CLYBL: variants seen among roughly 807,000 people sequenced by gnomAD.
CLYBL encodes citramalyl-CoA lyase.
Under a neutral mutation model 38.9 loss-of-function variants are expected in CLYBL, and 31 were observed. That is an observed-to-expected ratio of 0.80 (90% CI 0.60 to 1.08). The LOEUF is 1.08. CLYBL is among the 50% of genes least tolerant of loss of function. The pLI is 0.00. For missense variants in CLYBL, 434 were observed against 411.6 expected, an observed-to-expected ratio of 1.05 and a Z score of -0.47; for synonymous variants, 171 against 158.6, an observed-to-expected ratio of 1.08 and a Z score of -0.59.
chr13:99,860,456 G>A (rs1028255939), intron 3 of CLYBL, among the ~76,000 whole-genome samples: 2 of 152,054 alleles, frequency 1.3e-5, no homozygotes, highest in Non-Finnish European at 2.9e-5. Flanking sequence ...TTCTCTCCAG[G>A]GTTACCCTCA....
intron 1 of CLYBL, among the ~76,000 whole-genome samples, chr13:99,739,162 ATGGTTTTATTTGGAAATTTTTTT>A (rs2048711220): frequency 6.6e-6 from 1 of 152,166 alleles, no homozygotes; most frequent in Admixed American, 6.5e-5. Context: ...TGTTTTATAA[ATGGTTTTATTTGGAAATTTTTTT>A]CTCCTAATTT....
intron 1 of CLYBL, among the ~76,000 whole-genome samples, chr13:99,614,523 G>T (rs533347276): frequency 6.6e-6 from 1 of 152,226 alleles, no homozygotes; most frequent in South Asian, 2.1e-4. Context: ...AGAACTGGCT[G>T]TGGTGGCTGG....
At chr13:99,706,690 C>G (rs2048151963) in intron 1 of CLYBL, among the ~76,000 whole-genome samples, 1 of 152,222 alleles carries the variant, frequency 6.6e-6, no homozygotes, top group African/African-American at 2.4e-5. Context: ...AACTTGATTA[C>G]CTATTTTCCC....
At chr13:99,647,559 CAG>C (rs1312713503) in intron 1 of CLYBL, among the ~76,000 whole-genome samples, 2 of 151,826 alleles carry the variant, frequency 1.3e-5, no homozygotes, top group African/African-American at 4.8e-5. Flanking sequence ...ATTAAACAAA[CAG>C]ATTCAGAGAA....
Position 99,623,676 on chromosome 13 carries a change from G to C in CLYBL, c.62+16919G>C, listed in dbSNP as rs183955989. On this transcript the variant is annotated intron_variant, in intron 1 of 8. Transcript: ENST00000339105. ...AGGTCCATTTAGAAGTAAATGATGA[G>C]ATGAGTTGGGCACTGTGGCTCACGC... Among the ~76,000 whole-genome samples the C allele has an allele frequency of 7.1e-4, 108 of 152,280 alleles. 1 individual carries two copies. The highest frequency in any genetic ancestry group is 2.5e-3 in the African/African-American group (104 of 41,568).
intron 1 of CLYBL, among the ~76,000 whole-genome samples, chr13:99,657,981 C>A (rs991399657): frequency 6.6e-6 from 1 of 152,234 alleles, no homozygotes; most frequent in African/African-American, 2.4e-5. Flanking sequence ...AAGCCCGTGC[C>A]TTCCTCGCCC....
At chr13:99,708,406 T>C (rs2048178586) in intron 1 of CLYBL, among the ~76,000 whole-genome samples, 2 of 152,200 alleles carry the variant, frequency 1.3e-5, no homozygotes, top group African/African-American at 2.4e-5. Flanking sequence ...CATTTATGCA[T>C]ATTTATTGAT....
At chr13:99,683,372 G>A (rs1175509422) in intron 1 of CLYBL, among the ~76,000 whole-genome samples, 3 of 152,032 alleles carry the variant, frequency 2.0e-5, no homozygotes, top group Non-Finnish European at 4.4e-5. Flanking sequence ...GAGCCATCAC[G>A]CCTAGCCTGT....
intron 7 of CLYBL, among the ~76,000 whole-genome samples, chr13:99,881,613 G>C (rs908203662): frequency 4.9e-5 from 7 of 142,844 alleles, no homozygotes; most frequent in Non-Finnish European, 9.1e-5. Context: ...TTTTGGAAAA[G>C]ACAGAGTCTC....
chr13:99,701,186 C>T (rs1359396113), intron 1 of CLYBL, among the ~76,000 whole-genome samples: 1 of 152,140 alleles, frequency 6.6e-6, no homozygotes, highest in Non-Finnish European at 1.5e-5. Flanking sequence ...AAATATCCCA[C>T]AACAAAAATA....
chr13:99,780,525 C>T (rs1161600954), intron 2 of CLYBL, among the ~76,000 whole-genome samples: 2 of 151,386 alleles, frequency 1.3e-5, no homozygotes, highest in East Asian at 2.0e-4. Flanking sequence ...AGACTACAGG[C>T]GCCTGCCACC....
chr13:99,693,259 C>A (rs922100999), intron 1 of CLYBL, among the ~76,000 whole-genome samples: 1 of 152,166 alleles, frequency 6.6e-6, no homozygotes, highest in Non-Finnish European at 1.5e-5. Context: ...TATCCTTCTT[C>A]ATCTTTGTAT....
downstream of CLYBL, among the ~76,000 whole-genome samples, chr13:99,897,868 C>T (rs1036190846): frequency 6.6e-6 from 1 of 151,926 alleles, no homozygotes; most frequent in South Asian, 2.1e-4. Context: ...AATCGCTTGA[C>T]CCGGGAGGCA....
At chr13:99,723,062 T>C (rs999558224) in intron 1 of CLYBL, among the ~76,000 whole-genome samples, 1 of 152,270 alleles carries the variant, frequency 6.6e-6, no homozygotes, top group African/African-American at 2.4e-5. Context: ...ACAGCGTTTA[T>C]CCATTAATCA....
At chr13:99,686,015 G>T (rs1265641117) in intron 1 of CLYBL, among the ~76,000 whole-genome samples, 1 of 152,126 alleles carries the variant, frequency 6.6e-6, no homozygotes, top group Non-Finnish European at 1.5e-5. Flanking sequence ...CCTGTGATAA[G>T]AGTGCTGTGA....
intron 1 of CLYBL, among the ~76,000 whole-genome samples, chr13:99,749,648 A>T (rs966716064): frequency 6.6e-6 from 1 of 152,206 alleles, no homozygotes; most frequent in Non-Finnish European, 1.5e-5. Context: ...TTGAGGTGTG[A>T]TATAATTGCT....
chr13:99,901,100 G>A (rs1015972650), downstream of CLYBL, among the ~76,000 whole-genome samples: 7 of 152,212 alleles, frequency 4.6e-5, no homozygotes, highest in African/African-American at 7.2e-5. Flanking sequence ...GGGCAGGCAT[G>A]ATGTGGATGC....
At chr13:99,724,120 C>T (rs1317940505) in intron 1 of CLYBL, among the ~76,000 whole-genome samples, 1 of 152,134 alleles carries the variant, frequency 6.6e-6, no homozygotes, top group Non-Finnish European at 1.5e-5. Flanking sequence ...CATGAGGGAA[C>T]AGTTGTGCCC....
chr13:99,645,971 T>A (rs1332614437), intron 1 of CLYBL, among the ~76,000 whole-genome samples: 1 of 152,172 alleles, frequency 6.6e-6, no homozygotes, highest in Non-Finnish European at 1.5e-5. Context: ...CAGGGTATCT[T>A]CTTTCCTGTG....
Sources: gnomAD v4.1 joint callset for allele counts (sites outside exome capture counted in the v4.1 genomes callset) on GRCh38, gnomAD v4.1.1 for gene constraint, MANE v1.5 for transcripts, NCBI Gene and HGNC (gene_info 2026-07-23, HGNC 2026-07-21) for gene names.